FAM181A: variants seen among roughly 807,000 people sequenced by gnomAD.
FAM181A encodes the protein family with sequence similarity 181 member A, also known as protein FAM181A.
FAM181A carries 7 observed loss-of-function variants against 16.3 expected under a neutral mutation model. That is an observed-to-expected ratio of 0.43 (90% CI 0.24 to 0.81). The LOEUF (loss-of-function observed/expected upper bound fraction) is 0.81, where lower values mean the gene tolerates loss of function less well. Ranked by LOEUF, FAM181A falls within the 30% of genes least tolerant of loss-of-function variation. The pLI is 0.24. For missense variants in FAM181A, 349 were observed against 377.5 expected (o/e 0.92, Z 0.63); for synonymous variants, 183 against 164.9 (o/e 1.11, Z -0.84).
chr14:93,925,287 A>T, upstream of FAM181A: 2 of 1,613,612 alleles, frequency 1.2e-6, no homozygotes, highest in East Asian at 2.2e-5. Context: ...CTTAGAAGAG[A>T]GAAGATCTTC....
chr14:93,925,673 G>A (rs969913758), upstream of FAM181A, among the ~76,000 whole-genome samples: 9 of 151,848 alleles, frequency 5.9e-5, no homozygotes, highest in East Asian at 1.2e-3. Context: ...TCCAGGGCAC[G>A]TAGTGGCCAA....
upstream of FAM181A, chr14:93,927,271 G>T: frequency 9.9e-7 from 1 of 1,015,126 alleles, no homozygotes; most frequent in Non-Finnish European, 1.2e-6. Flanking sequence ...TGTATCTGGA[G>T]AGGCGCTCCT....
rs746462208 is a variant in FAM181A, at chr14:93,928,498, G to A, written c.213G>A (p.Gly71=). 6 of 1,610,486 alleles carry A rather than the reference G, an allele frequency of 3.7e-6. No homozygotes were observed. The Admixed American group carries it at 6.7e-5, about 18-fold the overall frequency. Residue 71 remains glycine (G), a synonymous_variant, in exon 2 of 2, where the codon GGG becomes GGA. Transcript: ENST00000556222. ...CTGCTGAGCCCTACCTGAAAAGGGG[G>A]TCTGAGGACCGGCCCAGGAGGCTGC... ...GRAAEPYLKR[G]SEDRPRRLLL...
chr14:93,928,019 C>G (rs118013506), intron 1 of FAM181A, among the ~76,000 whole-genome samples, 180 bp from the exon 2 acceptor site: 3 of 152,142 alleles, frequency 2.0e-5, no homozygotes, highest in African/African-American at 7.2e-5. Context: ...TGGTGCCTGC[C>G]GCATCCCAGG....
rs1253051284 is a variant in FAM181A at position 93,929,254 on chromosome 14, CAGTGTGGCCTCTTCCG to C, written c.*91_*106del. The C allele has an allele frequency of 6.8e-7, 1 of 1,462,226 alleles. No homozygotes were observed. The highest frequency in any genetic ancestry group is 1.4e-5 in the African/African-American group (1 of 71,148). The allele number at this position is 1,462,226 out of a possible 1,614,324, so 90.6% of individuals were successfully genotyped here. On this transcript the variant is annotated 3_prime_UTR_variant, in exon 2 of 2. Coordinates refer to ENST00000556222, the MANE Select transcript of FAM181A (RefSeq NM_001207073.2). ...CTCCTGTGAGGAGGTGGCTGGGCCACAGTGTGGCCTCTTCCGTTTGTGTGCGCATGGGAGTGGAGGG... is the reference window on the plus strand; with the variant it reads ...CTCCTGTGAGGAGGTGGCTGGGCCACTTTGTGTGCGCATGGGAGTGGAGGG...
Position 93,928,774 on chromosome 14 carries a change from T to G in FAM181A, c.489T>G (p.Pro163=), listed in dbSNP as rs760306825. 6.2e-7 allele frequency: 1 copy of G among 1,613,890 alleles called. No homozygotes were observed. Among genetic ancestry groups the G allele is most frequent in the Non-Finnish European group, 8.5e-7 (1 of 1,179,908 alleles). The change falls in exon 2 of 2, where the codon CCT becomes CCG. Residue 163 remains proline, a synonymous_variant. Coordinates refer to ENST00000556222, the MANE Select transcript of FAM181A (RefSeq NM_001207073.2). ...LEGGLGPREG[P]PYEGKKNCKG... is the part of the protein sequence containing the mutation. ...GGGGACTGGGCCCCAGGGAGGGACC[T>G]CCCTATGAGGGTAAGAAAAATTGCA...
Position 93,928,519 on chromosome 14 carries a change from G to T in FAM181A, c.234G>T (p.Arg78Ser). Residue 78 changes from arginine (R) to serine (S), a missense_variant, in exon 2 of 2, where the codon AGG becomes AGT. By Grantham distance (110) the Arg-to-Ser change is moderately radical. Coordinates refer to ENST00000556222, the MANE Select transcript of FAM181A (RefSeq NM_001207073.2). ...LKRGSEDRPRRLLLDLGPDSS... is the reference protein window; with the variant it reads ...LKRGSEDRPRSLLLDLGPDSS... ...GGGGGTCTGAGGACCGGCCCAGGAGGCTGCTCCTGGATTTGGGCCCTGATT... is the reference window on the plus strand; with the variant it reads ...GGGGGTCTGAGGACCGGCCCAGGAGTCTGCTCCTGGATTTGGGCCCTGATT... 6.2e-7 allele frequency: 1 copy of T among 1,611,438 alleles called. No individual in the cohort carries two copies. Among genetic ancestry groups the T allele is most frequent in the Non-Finnish European group, 8.5e-7 (1 of 1,178,204 alleles).
Position 93,928,759 on chromosome 14 carries a change from C to T in FAM181A, c.474C>T (p.Gly158=), listed in dbSNP as rs1888033019. The change falls in exon 2 of 2, where the codon GGC becomes GGT. Residue 158 remains glycine, a synonymous_variant. Transcript: ENST00000556222. ...SYHVGLEGGL[G]PREGPPYEGK... ...ATGTGGGGCTGGAGGGGGGACTGGG[C>T]CCCAGGGAGGGACCTCCCTATGAGG... 6.2e-7 allele frequency: 1 copy of T among 1,613,792 alleles called. No individual in the cohort carries two copies. The highest frequency in any genetic ancestry group is 1.1e-5 in the South Asian group (1 of 91,086).
upstream of FAM181A, among the ~76,000 whole-genome samples, chr14:93,924,753 C>T (rs912851688): frequency 5.3e-5 from 8 of 152,214 alleles, no homozygotes; most frequent in Admixed American, 4.6e-4. Flanking sequence ...GGCAATGTGG[C>T]CAGGCAGATC....
At chr14:93,923,672 G>A (rs1432854756), upstream of FAM181A, 3 of 152,304 alleles carry the variant, frequency 2.0e-5, no homozygotes, top group Non-Finnish European at 4.4e-5. Context: ...GGACTGTCGG[G>A]AAACCAAGGC....
rs1888070473 is a variant in FAM181A at position 93,929,467 on chromosome 14, C to A, written c.*303C>A. The A allele has an allele frequency of 2.6e-6, 1 of 378,410 alleles. No individual in the cohort carries two copies. The highest frequency in any genetic ancestry group is 4.7e-6 in the Non-Finnish European group (1 of 212,180). 23.4% of individuals were successfully genotyped at this position (378,410 alleles called of 1,614,324 possible). A position where few individuals can be genotyped will look rare whatever the true frequency, so the allele number is the denominator to read the frequency against. On this transcript the variant is annotated 3_prime_UTR_variant, in exon 2 of 2. Coordinates refer to ENST00000556222, the MANE Select transcript of FAM181A (RefSeq NM_001207073.2). Reference sequence around the variant, plus strand: ...ATGTTGCCCTTCCTTGCCTTGCAGTCACCCCAGAAGCCAGAGAGACGCATC... The same window carrying A: ...ATGTTGCCCTTCCTTGCCTTGCAGTAACCCCAGAAGCCAGAGAGACGCATC...
At chr14:93,927,999 G>A (rs12895134) in intron 1 of FAM181A, among the ~76,000 whole-genome samples, 200 bp from the exon 2 acceptor site, 81,898 of 151,554 alleles carry the variant, frequency 0.54, 22,400 homozygotes, top group Middle Eastern at 0.67. Flanking sequence ...CAGGCTGGGC[G>A]AGGCTCTGCT....
Position 93,927,347 on chromosome 14 carries a change from C to T in FAM181A, c.-195C>T, listed in dbSNP as rs1407768321. 1 of 1,121,000 alleles carries T rather than the reference C, an allele frequency of 8.9e-7. No homozygotes were observed. Among genetic ancestry groups the T allele is most frequent in the African/African-American group, 1.7e-5 (1 of 59,052 alleles). 69.4% of individuals were successfully genotyped at this position (1,121,000 alleles called of 1,614,324 possible). A position where few individuals can be genotyped will look rare whatever the true frequency, so the allele number is the denominator to read the frequency against. On this transcript the variant is annotated 5_prime_UTR_variant, in exon 1 of 2. Coordinates refer to ENST00000556222, the MANE Select transcript of FAM181A (RefSeq NM_001207073.2). Reference sequence around the variant, plus strand: ...CCATTCAGCCCACTCAAGGGTTGCACAACTGCTTCCAGCCGGACGGAGCTC... The same window carrying T: ...CCATTCAGCCCACTCAAGGGTTGCATAACTGCTTCCAGCCGGACGGAGCTC...
chr14:93,927,670 G>T (rs1398153152), intron 1 of FAM181A: 9 of 1,265,558 alleles, frequency 7.1e-6, no homozygotes, highest in Non-Finnish European at 9.2e-6. Flanking sequence ...GCCTGGTCCT[G>T]CGTGAGAGCT....
chr14:93,927,060 A>ACACACACACACACACC (rs143090510), upstream of FAM181A: 26,985 of 153,104 alleles, frequency 0.18, 3,257 homozygotes, highest in Middle Eastern at 0.28. Context: ...ACACACACAC[A>ACACACACACACACACC]CCCCACCCCC....
chr14:93,925,874 G>C (rs1887887316), upstream of FAM181A, among the ~76,000 whole-genome samples: 1 of 151,704 alleles, frequency 6.6e-6, no homozygotes, highest in South Asian at 2.1e-4. Context: ...CAGGGGTAGG[G>C]GAGATGGCTT....
Sources: gnomAD v4.1 joint callset for allele counts (sites outside exome capture counted in the v4.1 genomes callset) on GRCh38, gnomAD v4.1.1 for gene constraint, MANE v1.5 for transcripts, NCBI Gene and HGNC (gene_info 2026-07-23, HGNC 2026-07-21) for gene names.